Variants in THADA observed in about 807,000 individuals in gnomAD.
THADA encodes tRNA (32-2'-O)-methyltransferase regulator THADA.
Under a neutral mutation model 219.8 loss-of-function variants are expected in THADA, and 213 were observed. The ratio of observed to expected loss-of-function variants is 0.97; its 90% confidence interval spans 0.87 to 1.09. The LOEUF is 1.09. Ranked by LOEUF, THADA falls within the 50% of genes least tolerant of loss-of-function variation. THADA has a pLI of 0.00. For synonymous variants in THADA, 1,018 were observed against 828.9 expected, an observed-to-expected ratio of 1.23 and a Z score of -3.92; for missense variants, 2,956 against 2,311.3, an observed-to-expected ratio of 1.28 and a Z score of -5.72.
intron 29 of THADA, among the ~76,000 whole-genome samples, chr2:43,386,367 C>T (rs981384222): frequency 6.6e-6 from 1 of 151,664 alleles, no homozygotes; most frequent in Admixed American, 6.6e-5. Flanking sequence ...AGAGAGCCTT[C>T]ATTTTAATAT....
chr2:43,537,887 T>C lies in THADA; in HGVS notation c.3264+3272A>G, dbSNP rs191570640. 1.3e-4 allele frequency among the ~76,000 whole-genome samples: 19 copies of C among 142,246 alleles called. No homozygotes were observed. The East Asian group carries it at 3.1e-3, about 24-fold the overall frequency. The allele number at this position is 142,246 out of a possible 152,430, so 93.3% of individuals were successfully genotyped here. A position where few individuals can be genotyped will look rare whatever the true frequency, so the allele number is the denominator to read the frequency against. On this transcript the variant is annotated intron_variant, in intron 21 of 37. Coordinates refer to ENST00000405975, the MANE Select transcript of THADA (RefSeq NM_022065.5). ...CCCAGGAGGTTGAGGCTGAAGTGAG[T>C]CAAAATGGAACCACAGCACTCTAGC...
At position 43,256,098 on chromosome 2, in the gene THADA, A is replaced by C. The variant is rs61554790; in HGVS notation, c.5297-23216T>G. 6.0e-3 allele frequency among the ~76,000 whole-genome samples: 907 copies of C among 152,356 alleles called. 13 individuals carry two copies. Among genetic ancestry groups the C allele is most frequent in the African/African-American group, 0.021 (874 of 41,580 alleles). Reference sequence around the variant, plus strand: ...TTCTCCCCTGCCTGTAAGAAGAGGTAAGAAAGAACACCTGGATGTTCATGA... The same window carrying C: ...TTCTCCCCTGCCTGTAAGAAGAGGTCAGAAAGAACACCTGGATGTTCATGA... On this transcript the variant is annotated intron_variant, in intron 36 of 37. Coordinates refer to ENST00000405975, the MANE Select transcript of THADA (RefSeq NM_022065.5).
chr2:43,243,802 CT>C (rs1451957346), intron 36 of THADA, among the ~76,000 whole-genome samples: 1 of 152,188 alleles, frequency 6.6e-6, no homozygotes, highest in African/African-American at 2.4e-5. Flanking sequence ...TTTGCCTTTT[CT>C]TCATGCTTTA....
At chr2:43,461,529 G>A (rs79021468) in intron 26 of THADA, among the ~76,000 whole-genome samples, 2 of 152,042 alleles carry the variant, frequency 1.3e-5, no homozygotes, top group Non-Finnish European at 2.9e-5. Context: ...GTACCTGGAA[G>A]GAAGAGCTGT....
At chr2:43,590,986 A>G (rs1204946286) in intron 3 of THADA, 32 bp from the exon 4 acceptor site, 4 of 1,587,362 alleles carry the variant, frequency 2.5e-6, no homozygotes, top group Non-Finnish European at 3.4e-6. Context: ...TAATTTTTAT[A>G]ATATCAAATA....
intron 26 of THADA, among the ~76,000 whole-genome samples, chr2:43,477,754 G>GC (rs1259808164): frequency 6.6e-6 from 1 of 152,222 alleles, no homozygotes; most frequent in Non-Finnish European, 1.5e-5. Flanking sequence ...CAGTGCCTAT[G>GC]CAGACTAAGT....
At chr2:43,303,951 G>A (rs1225470534) in intron 31 of THADA, among the ~76,000 whole-genome samples, 2 of 152,128 alleles carry the variant, frequency 1.3e-5, no homozygotes, top group Admixed American at 6.5e-5. Context: ...ATGCTGCTGG[G>A]GCAGGGACCG....
At chr2:43,522,821 G>C (rs1692663502) in intron 22 of THADA, among the ~76,000 whole-genome samples, 1 of 152,036 alleles carries the variant, frequency 6.6e-6, no homozygotes, top group Non-Finnish European at 1.5e-5. Context: ...CAATAGAAAA[G>C]GGAAATTAAA....
intron 8 of THADA, among the ~76,000 whole-genome samples, chr2:43,578,888 G>A (rs752273746): frequency 1.3e-5 from 2 of 152,208 alleles, no homozygotes; most frequent in Non-Finnish European, 2.9e-5. Flanking sequence ...CTGGAGTGTA[G>A]TAGCGTGACC....
intron 29 of THADA, among the ~76,000 whole-genome samples, chr2:43,348,115 C>A (rs1341335795): frequency 6.6e-6 from 1 of 152,178 alleles, no homozygotes; most frequent in Non-Finnish European, 1.5e-5. Flanking sequence ...TTATTTAGCC[C>A]ATACAGTACT....
chr2:43,523,544 C>T (rs1692763311), intron 22 of THADA, among the ~76,000 whole-genome samples: 1 of 151,962 alleles, frequency 6.6e-6, no homozygotes, highest in Non-Finnish European at 1.5e-5. Flanking sequence ...ATTATTTTTT[C>T]AGTATTATAT....
At chr2:43,368,166 C>T (rs1448258271) in intron 29 of THADA, among the ~76,000 whole-genome samples, 3 of 152,044 alleles carry the variant, frequency 2.0e-5, no homozygotes, top group African/African-American at 7.2e-5. Flanking sequence ...CACCTTTCTC[C>T]ATTGCAGACT....
intron 29 of THADA, among the ~76,000 whole-genome samples, chr2:43,379,523 C>T (rs1671757096): frequency 6.6e-6 from 1 of 152,156 alleles, no homozygotes; most frequent in Non-Finnish European, 1.5e-5. Flanking sequence ...ACTAGAACAG[C>T]TAAAACCCAA....
At chr2:43,529,140 C>A (rs985950102) in intron 21 of THADA, among the ~76,000 whole-genome samples, 1 of 151,316 alleles carries the variant, frequency 6.6e-6, no homozygotes, top group Admixed American at 6.6e-5. Context: ...AGACAAATAA[C>A]AAATATGACT....
chr2:43,332,861 C>G (rs1665948647), intron 30 of THADA, among the ~76,000 whole-genome samples: 1 of 152,180 alleles, frequency 6.6e-6, no homozygotes, highest in Admixed American at 6.5e-5. Flanking sequence ...AAGTAGAAAG[C>G]ATCAGCAGTT....
At chr2:43,295,949 TC>T (rs1190593176) in intron 31 of THADA, among the ~76,000 whole-genome samples, 1 of 146,468 alleles carries the variant, frequency 6.8e-6, no homozygotes, top group Non-Finnish European at 1.5e-5. Flanking sequence ...AGATGGAGTC[TC>T]GCTCTGTCGC....
At chr2:43,528,082 G>A (rs1693391442) in intron 21 of THADA, 94 bp from the exon 22 acceptor site, 6 of 783,598 alleles carry the variant, frequency 7.7e-6, no homozygotes, top group Admixed American at 6.7e-5. Flanking sequence ...AGGTCTAGGG[G>A]TCCATTCATT....
chr2:43,297,465 C>T (rs1366565892), intron 31 of THADA, among the ~76,000 whole-genome samples: 1 of 111,610 alleles, frequency 9.0e-6, no homozygotes, highest in Non-Finnish European at 1.8e-5. Flanking sequence ...GGTCAGCCCC[C>T]CGCCCGGCCA....
At chr2:43,530,034 C>T (rs1000861693) in intron 21 of THADA, among the ~76,000 whole-genome samples, 6 of 151,954 alleles carry the variant, frequency 3.9e-5, no homozygotes, top group African/African-American at 7.3e-5. Flanking sequence ...AAACTAAAGA[C>T]GTAATCCACA....
Sources: gnomAD v4.1 joint callset for allele counts (sites outside exome capture counted in the v4.1 genomes callset) on GRCh38, gnomAD v4.1.1 for gene constraint, MANE v1.5 for transcripts, NCBI Gene and HGNC (gene_info 2026-07-23, HGNC 2026-07-21) for gene names.